The following VWA3B variants were observed in gnomAD, a reference collection of about 807,000 sequenced individuals.
The protein encoded by VWA3B is von Willebrand factor A domain containing 3B.
A neutral mutation model predicts 158.3 loss-of-function variants in VWA3B; 138 were observed. The ratio of observed to expected loss-of-function variants is 0.87; its 90% confidence interval spans 0.76 to 1.00. VWA3B has a LOEUF of 1.00. Ranked by LOEUF, VWA3B falls within the 50% of genes least tolerant of loss-of-function variation. VWA3B has a pLI of 0.00. For missense variants in VWA3B, 1,555 were observed against 1,565.1 expected (o/e 0.99, Z 0.11); for synonymous variants, 596 against 587.3 (o/e 1.01, Z -0.21).
rs1157008421 is a variant in VWA3B at position 98,234,732 on chromosome 2, A to G, written c.2393A>G (p.Asn798Ser). The G allele has an allele frequency of 6.2e-7, 1 of 1,613,992 alleles. No individual in the cohort carries two copies. The highest frequency in any genetic ancestry group is 8.5e-7 in the Non-Finnish European group (1 of 1,180,020). Reference protein sequence around the residue: ...ACSERKDGLSNASSRRTALSD... With the variant: ...ACSERKDGLSSASSRRTALSD... The stretch of plus-strand genomic sequence containing the variant: ...AGTGAAAGGAAGGATGGCCTCTCCA[A>G]TGCCAGCAGCCGGAGGACTGCTCTA... Residue 798 changes from asparagine to serine, a missense_variant, in exon 17 of 28, where the codon AAT becomes AGT. By Grantham distance (46) the Asn-to-Ser change is conservative (BLOSUM62 1). Transcript: ENST00000477737.
At chr2:98,224,413 G>T (rs1684752882) in intron 14 of VWA3B, among the ~76,000 whole-genome samples, 1 of 152,130 alleles carries the variant, frequency 6.6e-6, no homozygotes, top group South Asian at 2.1e-4. Flanking sequence ...GCTGGAGAAG[G>T]TAAAGGGACC....
At chr2:98,206,424 A>C (rs977012207) in intron 12 of VWA3B, 7 of 279,978 alleles carry the variant, frequency 2.5e-5, no homozygotes, top group African/African-American at 1.3e-4. Context: ...AGGCAGGGAG[A>C]CCAGGCTGGT....
At chr2:98,302,055 C>T (rs930420892) in intron 25 of VWA3B, among the ~76,000 whole-genome samples, 2 of 152,192 alleles carry the variant, frequency 1.3e-5, no homozygotes, top group African/African-American at 2.4e-5. Flanking sequence ...CTTCGTGTCA[C>T]CCTCAGGGAG....
chr2:98,236,647 G>A lies in VWA3B; in HGVS notation c.2590G>A (p.Ala864Thr). Reference sequence around the variant, plus strand: ...CGCCAAGAAACTCACCCTCATGGATGCCTTGTCAGTGGCAGCAGTCCCGCA... The same window carrying A: ...CGCCAAGAAACTCACCCTCATGGATACCTTGTCAGTGGCAGCAGTCCCGCA... ...LVAKKLTLMD[A>T]LSVAAVPHSS... The change falls in exon 19 of 28, where the codon GCC becomes ACC. Residue 864 changes from alanine to threonine, a missense_variant. Transcript: ENST00000477737. 1 of 1,614,206 alleles carries A rather than the reference G, an allele frequency of 6.2e-7. No individual in the cohort carries two copies. The highest frequency in any genetic ancestry group is 8.5e-7 in the Non-Finnish European group (1 of 1,180,042).
rs1675537585 is a variant in VWA3B, at chr2:98,128,228, CT to C, written c.703-10del. ...TGAGGGAGATAAACCGTTGGCACCA[CT>C]GTTTTGCAGATTGAATCCATTTACT... On this transcript the variant is annotated splice_polypyrimidine_tract_variant and intron_variant, in intron 5 of 27. Transcript: ENST00000477737. The C allele has an allele frequency of 1.4e-5, 22 of 1,613,252 alleles. No homozygotes were observed. The highest frequency in any genetic ancestry group is 1.8e-5 in the Non-Finnish European group (21 of 1,179,348).
the VWA3B span, among the ~76,000 whole-genome samples, chr2:98,319,259 T>A: frequency 2.2e-4 from 32 of 148,802 alleles, no homozygotes; most frequent in Non-Finnish European, 4.4e-4. Context: ...AAAACATGAG[T>A]GAATTCTAAC....
chr2:98,249,801 C>G (rs1395787271), intron 19 of VWA3B, among the ~76,000 whole-genome samples: 3 of 151,902 alleles, frequency 2.0e-5, no homozygotes, highest in African/African-American at 7.3e-5. Flanking sequence ...AGTAAAACTC[C>G]ATCTCAAAAA....
intron 8 of VWA3B, among the ~76,000 whole-genome samples, chr2:98,171,009 T>A (rs1679538851): frequency 6.6e-6 from 1 of 152,232 alleles, no homozygotes; most frequent in African/African-American, 2.4e-5. Flanking sequence ...TGAATGATAA[T>A]GATAATACCT....
chr2:98,284,190 G>A (rs1003069711), intron 22 of VWA3B, among the ~76,000 whole-genome samples: 3 of 152,218 alleles, frequency 2.0e-5, no homozygotes, highest in Admixed American at 6.5e-5. Flanking sequence ...TACAAGCAAC[G>A]CAGGTCTGAA....
chr2:98,105,875 T>A (rs573905073), intron 2 of VWA3B, among the ~76,000 whole-genome samples: 29 of 152,254 alleles, frequency 1.9e-4, no homozygotes, highest in African/African-American at 7.0e-4. Flanking sequence ...TGTGCCTATA[T>A]TTCCAGGTTC....
chr2:98,095,231 A>G (rs138062068), intron 2 of VWA3B, among the ~76,000 whole-genome samples: 143 of 152,326 alleles, frequency 9.4e-4, no homozygotes, highest in Non-Finnish European at 1.8e-3. Context: ...GGATATTTTT[A>G]ACAGTATTCA....
intron 22 of VWA3B, among the ~76,000 whole-genome samples, chr2:98,272,976 C>T (rs577358440): frequency 6.6e-6 from 1 of 152,276 alleles, no homozygotes; most frequent in Non-Finnish European, 1.5e-5. Context: ...GTGCTGGCCC[C>T]TTAATCTTGG....
At chr2:98,294,076 G>A (rs963998282) in intron 23 of VWA3B, among the ~76,000 whole-genome samples, 1 of 151,732 alleles carries the variant, frequency 6.6e-6, no homozygotes, top group African/African-American at 2.4e-5. Context: ...CTGCCTAAGT[G>A]ATGTCATGGC....
Position 98,162,840 on chromosome 2 carries a change from TC to T in VWA3B, c.989-7del. On this transcript the variant is annotated splice_polypyrimidine_tract_variant and intron_variant, in intron 7 of 27. Transcript: ENST00000477737. ...CTCAGCCGGCCGCTCATGCTGTGTC[TC>T]CCCTTTTAGGAGCTGGAGTCAGAGA... 6.2e-7 allele frequency: 1 copy of T among 1,613,162 alleles called. No homozygotes were observed. Among genetic ancestry groups the T allele is most frequent in the Non-Finnish European group, 8.5e-7 (1 of 1,179,880 alleles).
intron 5 of VWA3B, among the ~76,000 whole-genome samples, chr2:98,123,082 A>ATG (rs1675091668): frequency 6.6e-6 from 1 of 152,156 alleles, no homozygotes; most frequent in African/African-American, 2.4e-5. Flanking sequence ...TAAAAAACAC[A>ATG]TGTGTGTGTG....
intron 6 of VWA3B, among the ~76,000 whole-genome samples, chr2:98,132,649 G>A (rs1391756978): frequency 6.6e-6 from 1 of 152,168 alleles, no homozygotes; most frequent in Non-Finnish European, 1.5e-5. Flanking sequence ...GGTGCCAAAG[G>A]CCTTGACACT....
intron 21 of VWA3B, among the ~76,000 whole-genome samples, chr2:98,270,272 G>T (rs1487402778): frequency 6.6e-6 from 1 of 152,162 alleles, no homozygotes; most frequent in Non-Finnish European, 1.5e-5. Flanking sequence ...GGTTTGTTTT[G>T]CTTTGCTTTG....
At chr2:98,108,614 C>T (rs1327206519) in intron 2 of VWA3B, among the ~76,000 whole-genome samples, 2 of 152,102 alleles carry the variant, frequency 1.3e-5, no homozygotes, top group Non-Finnish European at 2.9e-5. Flanking sequence ...TGCTCTGTCC[C>T]CAGTAATATT....
intron 8 of VWA3B, among the ~76,000 whole-genome samples, chr2:98,163,526 G>A (rs1678817064): frequency 6.6e-6 from 1 of 152,148 alleles, no homozygotes; most frequent in Non-Finnish European, 1.5e-5. Context: ...AATGGAGAGA[G>A]ACTCTGTCTC....
Sources: gnomAD v4.1 joint callset for allele counts (sites outside exome capture counted in the v4.1 genomes callset) on GRCh38, gnomAD v4.1.1 for gene constraint, MANE v1.5 for transcripts, NCBI Gene and HGNC (gene_info 2026-07-23, HGNC 2026-07-21) for gene names.